Variants in DPP10 observed in about 807,000 individuals in gnomAD.
The protein encoded by DPP10 is inactive dipeptidyl peptidase 10.
DPP10 carries 33 observed loss-of-function variants against 120.9 expected under a neutral mutation model. The ratio of observed to expected loss-of-function variants is 0.27; its 90% CI spans 0.21 to 0.37. The LOEUF is 0.37. Among genes scored for constraint, DPP10 ranks in the 10% least tolerant of loss-of-function variants. The pLI is 1.00. For synonymous variants in DPP10, 337 were observed against 326.1 expected, an observed-to-expected ratio of 1.03 and a Z score of -0.36; for missense variants, 816 against 942.8, an observed-to-expected ratio of 0.87 and a Z score of 1.76.
chr2:115,360,393 T>A (rs2064687215), intron 3 of DPP10, among the ~76,000 whole-genome samples: 1 of 152,200 alleles, frequency 6.6e-6, no homozygotes, highest in Admixed American at 6.5e-5. Context: ...ACAGGTTATT[T>A]AATTATAGCT....
chr2:114,913,435 G>C (rs7572390), intron 1 of DPP10, among the ~76,000 whole-genome samples: 3 of 152,142 alleles, frequency 2.0e-5, no homozygotes, highest in Non-Finnish European at 2.9e-5. Context: ...GAAAAAAGCC[G>C]TAAGACTGGT....
chr2:114,928,533 G>C (rs1391182267), intron 1 of DPP10, among the ~76,000 whole-genome samples: 1 of 152,112 alleles, frequency 6.6e-6, no homozygotes, highest in Non-Finnish European at 1.5e-5. Flanking sequence ...GGCTTTGCTG[G>C]GTGCAATCCC....
At chr2:115,062,577 T>C (rs530752032) in intron 1 of DPP10, among the ~76,000 whole-genome samples, 1 of 152,268 alleles carries the variant, frequency 6.6e-6, no homozygotes, top group African/African-American at 2.4e-5. Flanking sequence ...TGTGTGTTGT[T>C]CTTCTCCCTG....
chr2:115,220,012 C>T (rs910085470), intron 1 of DPP10, among the ~76,000 whole-genome samples: 3 of 152,184 alleles, frequency 2.0e-5, no homozygotes, highest in Non-Finnish European at 4.4e-5. Flanking sequence ...AAACTACTAC[C>T]ATTTACTGAA....
At chr2:115,450,178 T>A (rs1300942291) in intron 3 of DPP10, among the ~76,000 whole-genome samples, 1 of 152,004 alleles carries the variant, frequency 6.6e-6, no homozygotes, top group Non-Finnish European at 1.5e-5. Flanking sequence ...GTCTAGCCTG[T>A]CTTCAGTGTG....
intron 1 of DPP10, among the ~76,000 whole-genome samples, chr2:115,058,695 C>T (rs1706146974): frequency 6.6e-6 from 1 of 152,202 alleles, no homozygotes; most frequent in Non-Finnish European, 1.5e-5. Context: ...GCTACCGTGC[C>T]CGGCCTCTTT....
At position 115,384,378 on chromosome 2, in the gene DPP10, A is replaced by G. The variant is rs2066689505; in HGVS notation, c.271+40466A>G. Among the ~76,000 whole-genome samples, 6 of 140,978 alleles carry G rather than the reference A, an allele frequency of 4.3e-5. No individual in the cohort carries two copies. In the South Asian group the frequency reaches 1.4e-3, roughly 33 times the overall value. 92.5% of individuals were successfully genotyped at this position (140,978 alleles called of 152,430 possible). Reference sequence around the variant, plus strand: ...AACAGAGCAAGATCCTGTCTCAGAAAAGCAGAAGCAGAAGCAGAAGAAGGA... The same window carrying G: ...AACAGAGCAAGATCCTGTCTCAGAAGAGCAGAAGCAGAAGCAGAAGAAGGA... On this transcript the variant is annotated intron_variant, in intron 3 of 25. Transcript: ENST00000410059.
chr2:115,026,098 G>C (rs1703440602), intron 1 of DPP10, among the ~76,000 whole-genome samples: 1 of 152,124 alleles, frequency 6.6e-6, no homozygotes, highest in Non-Finnish European at 1.5e-5. Flanking sequence ...TCTTTGTCCA[G>C]AAAAATATAC....
intron 1 of DPP10, among the ~76,000 whole-genome samples, chr2:115,206,664 C>A (rs1310624252): frequency 1.3e-5 from 2 of 152,058 alleles, no homozygotes; most frequent in East Asian, 1.9e-4. Flanking sequence ...ATTAGAGAAA[C>A]ATTTTTGGCA....
At chr2:114,819,417 C>A (rs1685907665) in intron 1 of DPP10, among the ~76,000 whole-genome samples, 1 of 152,058 alleles carries the variant, frequency 6.6e-6, no homozygotes. Flanking sequence ...CTAAAGCCCT[C>A]TAAAGTGCTA....
chr2:115,501,404 G>A (rs1045021439), intron 4 of DPP10, among the ~76,000 whole-genome samples: 4 of 151,828 alleles, frequency 2.6e-5, no homozygotes, highest in African/African-American at 7.3e-5. Flanking sequence ...TCATATCATT[G>A]TGGTTTTCTC....
intron 1 of DPP10, among the ~76,000 whole-genome samples, chr2:114,996,980 CAAAA>C (rs34287029): frequency 1.5e-5 from 1 of 66,470 alleles, no homozygotes; most frequent in African/African-American, 5.9e-5. Context: ...GACTCCATCT[CAAAA>C]AAAAAAAAAA....
At chr2:115,132,580 T>A (rs1423181343) in intron 1 of DPP10, among the ~76,000 whole-genome samples, 1 of 152,206 alleles carries the variant, frequency 6.6e-6, no homozygotes, top group Non-Finnish European at 1.5e-5. Context: ...GGATTCTTTT[T>A]TGTCAGTCTT....
chr2:115,263,905 C>T lies in DPP10; in HGVS notation c.61-45334C>T, dbSNP rs1022381516. Among the ~76,000 whole-genome samples the T allele has an allele frequency of 5.3e-5, 8 of 152,000 alleles. No homozygotes were observed. The East Asian group carries it at 1.2e-3, about 22-fold the overall frequency. ...GATTCAAAACACACACACACACACACATACTCATTATTCAATAGATTTTGT... is the reference window on the plus strand; with the variant it reads ...GATTCAAAACACACACACACACACATATACTCATTATTCAATAGATTTTGT... On this transcript the variant is annotated intron_variant, in intron 1 of 25. Coordinates refer to ENST00000410059, the MANE Select transcript of DPP10 (RefSeq NM_020868.6).
intron 1 of DPP10, among the ~76,000 whole-genome samples, chr2:115,111,342 A>G (rs1208311852): frequency 6.6e-6 from 1 of 151,884 alleles, no homozygotes; most frequent in Non-Finnish European, 1.5e-5. Context: ...AATTGATAGG[A>G]CATTGATTGG....
chr2:115,557,357 G>C (rs1052053371), intron 5 of DPP10, among the ~76,000 whole-genome samples: 6 of 152,108 alleles, frequency 3.9e-5, no homozygotes, highest in Admixed American at 2.6e-4. Context: ...GCAAGAAGGA[G>C]GTTTGAAGTG....
At chr2:115,203,475 G>A (rs1188421220) in intron 1 of DPP10, among the ~76,000 whole-genome samples, 1 of 152,116 alleles carries the variant, frequency 6.6e-6, no homozygotes, top group East Asian at 1.9e-4. Context: ...AGCATGAACA[G>A]ATTGGAGAGG....
intron 1 of DPP10, among the ~76,000 whole-genome samples, chr2:115,045,214 T>G (rs974918059): frequency 5.3e-5 from 8 of 152,214 alleles, no homozygotes; most frequent in Admixed American, 1.3e-4. Context: ...ATTTTTGTTT[T>G]CTTTCAGCAC....
chr2:114,899,168 A>T (rs565551941), intron 1 of DPP10, among the ~76,000 whole-genome samples: 1 of 151,888 alleles, frequency 6.6e-6, no homozygotes, highest in Admixed American at 6.6e-5. Context: ...TAGAAATTCT[A>T]TATATGAATA....
Sources: gnomAD v4.1 joint callset for allele counts (sites outside exome capture counted in the v4.1 genomes callset) on GRCh38, gnomAD v4.1.1 for gene constraint, MANE v1.5 for transcripts, NCBI Gene and HGNC (gene_info 2026-07-23, HGNC 2026-07-21) for gene names.